LRBA: variants seen among roughly 807,000 people sequenced by gnomAD.
LRBA encodes lipopolysaccharide-responsive and beige-like anchor protein.
In LRBA, 176 loss-of-function variants were observed where a neutral mutation model predicts 330.0. The ratio of observed to expected loss-of-function variants is 0.53; its 90% CI spans 0.47 to 0.60. LRBA has a LOEUF of 0.60. Ranked by LOEUF, LRBA falls within the 20% of genes least tolerant of loss-of-function variation. LRBA has a pLI of 0.00. For synonymous variants in LRBA, 1,230 were observed against 1,193.0 expected (o/e 1.03, Z -0.64); for missense variants, 3,259 against 3,444.8 (o/e 0.95, Z 1.35).
rs751720378 is a variant in LRBA at position 150,841,053 on chromosome 4, T to A, written c.4569+3047A>T. ...AGGTTCATATGTAATGACTTCTTAG[T>A]CTGTTGGAAAAAACAAAGGTACATT... On this transcript the variant is annotated intron_variant, in intron 28 of 56. Coordinates refer to ENST00000651943, the MANE Select transcript of LRBA (RefSeq NM_001364905.1). The A allele has an allele frequency of 8.0e-6, 9 of 1,124,542 alleles. No homozygotes were observed. The South Asian group carries it at 1.4e-4, about 17-fold the overall frequency. The allele number at this position is 1,124,542 out of a possible 1,614,324, so 69.7% of individuals were successfully genotyped here.
chr4:150,525,505 C>T (rs2152182712), intron 40 of LRBA, among the ~76,000 whole-genome samples: 1 of 152,240 alleles, frequency 6.6e-6, no homozygotes, highest in Admixed American at 6.5e-5. Flanking sequence ...CAGATTAGGT[C>T]ATCATTCAAA....
chr4:150,807,930 G>A (rs1201639062), intron 32 of LRBA, among the ~76,000 whole-genome samples: 7 of 152,090 alleles, frequency 4.6e-5, no homozygotes, highest in Admixed American at 2.6e-4. Context: ...GATTACAGGC[G>A]TGAGCCACCG....
chr4:150,486,139 T>A (rs1332970050), intron 42 of LRBA, among the ~76,000 whole-genome samples: 1 of 151,930 alleles, frequency 6.6e-6, no homozygotes, highest in Non-Finnish European at 1.5e-5. Context: ...GTTAATTAAC[T>A]TGAATGCAGT....
chr4:150,504,974 AAAG>A (rs1367420840), intron 40 of LRBA, among the ~76,000 whole-genome samples: 1 of 152,226 alleles, frequency 6.6e-6, no homozygotes, highest in Non-Finnish European at 1.5e-5. Context: ...CAAAGGAGAC[AAAG>A]AAGGCCATTA....
chr4:150,534,377 ATTT>A (rs1019647513), intron 40 of LRBA, among the ~76,000 whole-genome samples: 1 of 134,138 alleles, frequency 7.5e-6, no homozygotes, highest in Non-Finnish European at 1.6e-5. Flanking sequence ...AATAATAATA[ATTT>A]TTTTTAAAAA....
intron 2 of LRBA, among the ~76,000 whole-genome samples, chr4:150,994,102 A>G (rs1179341455): frequency 2.0e-5 from 3 of 151,982 alleles, no homozygotes; most frequent in Non-Finnish European, 4.4e-5. Context: ...TGAAATTTAG[A>G]ATATATTGCC....
At chr4:150,759,409 A>G (rs1734761307) in intron 35 of LRBA, among the ~76,000 whole-genome samples, 1 of 152,054 alleles carries the variant, frequency 6.6e-6, no homozygotes, top group Non-Finnish European at 1.5e-5. Flanking sequence ...CTCATTCCTC[A>G]AATACACCAC....
intron 2 of LRBA, among the ~76,000 whole-genome samples, chr4:150,995,802 C>T (rs1706318747): frequency 6.6e-6 from 1 of 152,002 alleles, no homozygotes; most frequent in African/African-American, 2.4e-5. Context: ...TTTATTATCC[C>T]ATAATTTCTA....
At chr4:150,605,631 A>C (rs1774547066) in intron 37 of LRBA, among the ~76,000 whole-genome samples, 1 of 152,172 alleles carries the variant, frequency 6.6e-6, no homozygotes, top group Non-Finnish European at 1.5e-5. Context: ...AAACATTTTC[A>C]GAGCACTGTC....
chr4:150,478,390 T>C (rs895613765), intron 42 of LRBA, among the ~76,000 whole-genome samples: 1 of 152,188 alleles, frequency 6.6e-6, no homozygotes, highest in Non-Finnish European at 1.5e-5. Flanking sequence ...TGTTCGTCCA[T>C]TATTCCTAAT....
chr4:150,579,616 G>A (rs1442733483), intron 40 of LRBA: 1 of 455,694 alleles, frequency 2.2e-6, no homozygotes, highest in Non-Finnish European at 4.4e-6. Flanking sequence ...GAGAAGCGTA[G>A]GGGCAAGGAT....
chr4:150,429,677 T>C (rs1206722420), intron 46 of LRBA, among the ~76,000 whole-genome samples: 1 of 152,118 alleles, frequency 6.6e-6, no homozygotes. Flanking sequence ...TAGACTCTCC[T>C]GCATCCCTTA....
chr4:150,677,162 T>A (rs1038786678), intron 37 of LRBA, among the ~76,000 whole-genome samples: 17 of 152,174 alleles, frequency 1.1e-4, no homozygotes, highest in African/African-American at 3.9e-4. Context: ...CTTTATGACA[T>A]ACTGTAGGTT....
Position 150,639,803 on chromosome 4 carries a change from ATATGTGTG to A in LRBA, c.5922-40680_5922-40673del, listed in dbSNP as rs1335125937. On this transcript the variant is annotated intron_variant, in intron 37 of 56. Transcript: ENST00000651943. ...TATATGTGTGTGTGTATATATATAT[ATATGTGTG>A]TGTGTGTGTATATATATATATATAT... Among the ~76,000 whole-genome samples, 17 of 4,828 alleles carry A rather than the reference ATATGTGTG, an allele frequency of 3.5e-3. 2 individuals carry two copies. The highest frequency in any genetic ancestry group is 0.011 in the African/African-American group (17 of 1,480). The allele number at this position is 4,828 out of a possible 152,430, so 3.2% of individuals were successfully genotyped here.
chr4:150,309,368 G>A (rs1412192216), intron 52 of LRBA, among the ~76,000 whole-genome samples: 1 of 151,886 alleles, frequency 6.6e-6, no homozygotes, highest in Non-Finnish European at 1.5e-5. Context: ...GCTGCACAAC[G>A]ATAAAATCCC....
At chr4:150,867,095 C>A in intron 22 of LRBA, among the ~76,000 whole-genome samples, 1 of 141,378 alleles carries the variant, frequency 7.1e-6, no homozygotes, top group Non-Finnish European at 1.5e-5. Context: ...AATAACTAAA[C>A]TTACTTTGGC....
chr4:150,601,561 T>C (rs901567468), intron 37 of LRBA, among the ~76,000 whole-genome samples: 2 of 152,180 alleles, frequency 1.3e-5, no homozygotes, highest in African/African-American at 4.8e-5. Flanking sequence ...TGGTGACATT[T>C]GGCTAAAACA....
At chr4:151,002,196 C>CAA (rs143587760) in intron 2 of LRBA, among the ~76,000 whole-genome samples, 2,767 of 24,272 alleles carry the variant, frequency 0.11, 253 homozygotes, top group South Asian at 0.25. Context: ...CATAAAACAG[C>CAA]AAAAAAAAAA....
At chr4:150,699,996 A>G (rs1784966016) in intron 36 of LRBA, among the ~76,000 whole-genome samples, 1 of 152,180 alleles carries the variant, frequency 6.6e-6, no homozygotes, top group Non-Finnish European at 1.5e-5. Context: ...ATGACCCTCA[A>G]AGAAAATGCT....
Sources: allele counts gnomAD v4.1 joint callset (sites outside exome capture counted in the v4.1 genomes callset), GRCh38; gene constraint gnomAD v4.1.1; transcripts MANE v1.5; gene names NCBI Gene and HGNC (gene_info 2026-07-23, HGNC 2026-07-21).